The following CNTN5 variants were observed in gnomAD, a reference collection of about 807,000 sequenced individuals.
The protein encoded by CNTN5 is contactin 5, also known as contactin-5.
CNTN5 carries 77 observed loss-of-function variants against 129.1 expected under a neutral mutation model. The observed-to-expected ratio is 0.60, with a 90% CI of 0.50 to 0.72. The LOEUF (loss-of-function observed/expected upper bound fraction) is 0.72, where lower values mean the gene tolerates loss of function less well. Ranked by LOEUF, CNTN5 falls within the 30% of genes least tolerant of loss-of-function variation. The pLI is 0.00. For missense variants in CNTN5, 1,478 were observed against 1,328.8 expected (o/e 1.11, Z -1.75); for synonymous variants, 509 against 465.6 (o/e 1.09, Z -1.20).
intron 1 of CNTN5, among the ~76,000 whole-genome samples, chr11:99,303,782 TTAAAGTTC>T (rs1362798643): frequency 2.6e-5 from 4 of 152,068 alleles, no homozygotes; most frequent in Admixed American, 1.3e-4. Flanking sequence ...TGGTTGATAT[TTAAAGTTC>T]TAAAAAGTTA....
intron 16 of CNTN5, among the ~76,000 whole-genome samples, chr11:100,226,658 T>C (rs966358795): frequency 6.6e-6 from 1 of 152,204 alleles, no homozygotes; most frequent in Non-Finnish European, 1.5e-5. Context: ...TTTTCTATTA[T>C]ATATTTGCAT....
At chr11:99,406,783 G>T (rs556419286) in intron 2 of CNTN5, among the ~76,000 whole-genome samples, 1 of 152,016 alleles carries the variant, frequency 6.6e-6, no homozygotes, top group Admixed American at 6.6e-5. Context: ...GCTTTTTTCC[G>T]CTCTTCTCTC....
At chr11:99,432,959 G>A in intron 2 of CNTN5, among the ~76,000 whole-genome samples, 1 of 149,246 alleles carries the variant, frequency 6.7e-6, no homozygotes, top group East Asian at 2.0e-4. Context: ...TAGCTAGATG[G>A]TAAATACTGA....
At chr11:99,558,217 A>ACTG in intron 3 of CNTN5, 1 of 349,502 alleles carries the variant, frequency 2.9e-6, no homozygotes, top group South Asian at 2.2e-5. Context: ...GTGCAGCATT[A>ACTG]CTGTCTTCCC....
chr11:100,290,488 C>T (rs367951008), intron 18 of CNTN5, among the ~76,000 whole-genome samples: 1 of 144,456 alleles, frequency 6.9e-6, no homozygotes, highest in African/African-American at 2.6e-5. Context: ...ACAAACCTGA[C>T]AAAAACAAGC....
chr11:100,020,914 T>G (rs938681686), intron 9 of CNTN5, among the ~76,000 whole-genome samples: 1 of 151,838 alleles, frequency 6.6e-6, no homozygotes, highest in African/African-American at 2.4e-5. Flanking sequence ...ATGAGAGAAA[T>G]TGAAGAAGAA....
At chr11:99,840,532 C>G (rs1217902210) in intron 4 of CNTN5, among the ~76,000 whole-genome samples, 1 of 151,224 alleles carries the variant, frequency 6.6e-6, no homozygotes, top group Non-Finnish European at 1.5e-5. Context: ...AAAAAAAAAG[C>G]CTCTTGAGTA....
intron 2 of CNTN5, among the ~76,000 whole-genome samples, chr11:99,523,004 G>A (rs1268375540): frequency 1.3e-5 from 2 of 152,082 alleles, no homozygotes; most frequent in African/African-American, 4.8e-5. Context: ...TTATGTTCTG[G>A]CACTAACCAA....
intron 1 of CNTN5, among the ~76,000 whole-genome samples, chr11:99,102,378 T>G (rs1591192465): frequency 6.6e-6 from 1 of 152,172 alleles, no homozygotes; most frequent in Non-Finnish European, 1.5e-5. Context: ...TGAATTTCTC[T>G]TATAAAATGG....
At chr11:99,501,346 A>C (rs1946420676) in intron 2 of CNTN5, among the ~76,000 whole-genome samples, 1 of 152,222 alleles carries the variant, frequency 6.6e-6, no homozygotes, top group African/African-American at 2.4e-5. Flanking sequence ...TGAAGGGAGA[A>C]AACATTGAAG....
chr11:99,035,685 A>C lies in CNTN5; in HGVS notation c.-210+14415A>C, dbSNP rs1423174465. Among the ~76,000 whole-genome samples, 36 of 151,282 alleles carry C rather than the reference A, an allele frequency of 2.4e-4. No individual in the cohort carries two copies. The East Asian group carries it at 5.3e-3, about 22-fold the overall frequency. On this transcript the variant is annotated intron_variant, in intron 1 of 24. Transcript: ENST00000524871. ...GTGTCTCTGCAAGTGAGATGGGTTTACTGAATACAGCACACTGATGGGTCT... is the reference window on the plus strand; with the variant it reads ...GTGTCTCTGCAAGTGAGATGGGTTTCCTGAATACAGCACACTGATGGGTCT...
chr11:99,942,347 A>G (rs1207709515), intron 7 of CNTN5, among the ~76,000 whole-genome samples: 1 of 151,866 alleles, frequency 6.6e-6, no homozygotes, highest in Non-Finnish European at 1.5e-5. Flanking sequence ...GAGACCATAT[A>G]ATATATATAA....
intron 13 of CNTN5, among the ~76,000 whole-genome samples, chr11:100,080,972 T>G (rs1279351676): frequency 6.6e-6 from 1 of 152,152 alleles, no homozygotes; most frequent in Non-Finnish European, 1.5e-5. Flanking sequence ...GATGCCTTAG[T>G]ACTCAGGGAT....
intron 1 of CNTN5, among the ~76,000 whole-genome samples, chr11:99,240,709 TA>T (rs1198196489): frequency 1.3e-5 from 2 of 152,120 alleles, no homozygotes; most frequent in Non-Finnish European, 2.9e-5. Flanking sequence ...AACATAAAAT[TA>T]AGAATGAAAA....
chr11:99,819,688 C>T lies in CNTN5; in HGVS notation c.200C>T (p.Pro67Leu), dbSNP rs1265215548. 3.7e-6 allele frequency: 6 copies of T among 1,612,922 alleles called. No homozygotes were observed. Among genetic ancestry groups the T allele is most frequent in the Middle Eastern group, 1.6e-4 (1 of 6,062 alleles). The stretch of plus-strand genomic sequence containing the variant: ...TTAGGAACACTGAGTGCTTCTTCAC[C>T]CAGCTGGCTAGGGGCAGCTCAGAAT... ...PSLGTLSASSPSWLGAAQNYY... is the reference protein window; with the variant it reads ...PSLGTLSASSLSWLGAAQNYY... Residue 67 changes from proline to leucine, a missense_variant, in exon 4 of 25, where the codon CCC (proline) becomes CTC (leucine). Transcript: ENST00000524871.
intron 2 of CNTN5, among the ~76,000 whole-genome samples, chr11:99,424,923 C>G (rs1406160903): frequency 1.3e-5 from 2 of 152,188 alleles, no homozygotes; most frequent in Non-Finnish European, 2.9e-5. Flanking sequence ...CAGAACAGCT[C>G]AGAGGAAACT....
At chr11:99,233,980 T>A (rs1463949161) in intron 1 of CNTN5, among the ~76,000 whole-genome samples, 2 of 152,096 alleles carry the variant, frequency 1.3e-5, no homozygotes, top group Non-Finnish European at 2.9e-5. Context: ...AATAATTTGT[T>A]TTAACATTTG....
intron 3 of CNTN5, among the ~76,000 whole-genome samples, chr11:99,557,614 A>T (rs1948715161): frequency 1.3e-5 from 2 of 151,600 alleles, no homozygotes; most frequent in Admixed American, 6.6e-5. Flanking sequence ...TATATTTTTT[A>T]AATTATAATT....
chr11:99,368,494 AT>A (rs1337768453), intron 2 of CNTN5, among the ~76,000 whole-genome samples: 1 of 151,980 alleles, frequency 6.6e-6, no homozygotes, highest in Non-Finnish European at 1.5e-5. Flanking sequence ...AAAAAAAAAA[AT>A]TGAAAATATA....
Sources: allele counts gnomAD v4.1 joint callset (sites outside exome capture counted in the v4.1 genomes callset), GRCh38; gene constraint gnomAD v4.1.1; transcripts MANE v1.5; gene names NCBI Gene and HGNC (gene_info 2026-07-23, HGNC 2026-07-21).